FXR1: variants seen among roughly 807,000 people sequenced by gnomAD.
FXR1 encodes the protein RNA-binding protein FXR1.
FXR1 carries 15 observed loss-of-function variants against 84.0 expected under a neutral mutation model. That is an observed-to-expected ratio of 0.18 (90% CI 0.12 to 0.27). FXR1 has a LOEUF of 0.27. Among genes scored for constraint, FXR1 ranks in the 10% least tolerant of loss-of-function variants. The pLI is 1.00. For missense variants in FXR1, 480 were observed against 774.4 expected (o/e 0.62, Z 4.51); for synonymous variants, 245 against 250.7 (o/e 0.98, Z 0.21).
intron 4 of FXR1, 110 bp downstream of exon 4, chr3:180,948,046 G>C: frequency 1.5e-6 from 1 of 679,058 alleles, no homozygotes; most frequent in Non-Finnish European, 2.6e-6. Context: ...AAGCCTACCT[G>C]AGAAATAGTT....
chr3:180,926,492 A>G (rs1349233301), intron 1 of FXR1, among the ~76,000 whole-genome samples: 1 of 103,418 alleles, frequency 9.7e-6, no homozygotes, highest in African/African-American at 5.5e-5. Flanking sequence ...ATATATATAT[A>G]TATATATATA....
At chr3:180,913,153 A>C (rs895997568) in intron 1 of FXR1, among the ~76,000 whole-genome samples, 1 of 151,560 alleles carries the variant, frequency 6.6e-6, no homozygotes, top group Admixed American at 6.6e-5. Context: ...GCCGGGCGGG[A>C]GCTCCTCAGC....
intron 2 of FXR1, among the ~76,000 whole-genome samples, chr3:180,934,423 T>C (rs867518491): frequency 1.3e-5 from 2 of 152,190 alleles, no homozygotes; most frequent in South Asian, 2.1e-4. Flanking sequence ...AGGGAATAAT[T>C]TTTTACTTTA....
At chr3:180,914,281 A>G (rs1717616009) in intron 1 of FXR1, among the ~76,000 whole-genome samples, 1 of 152,170 alleles carries the variant, frequency 6.6e-6, no homozygotes, top group African/African-American at 2.4e-5. Flanking sequence ...TACTGCAGAT[A>G]CAGTTCGCTG....
intron 8 of FXR1, among the ~76,000 whole-genome samples, chr3:180,952,465 G>T (rs1243562102): frequency 1.3e-5 from 2 of 152,070 alleles, no homozygotes; most frequent in Non-Finnish European, 2.9e-5. Flanking sequence ...GCTGAAGCAG[G>T]AAGATCACTT....
In FXR1 at chr3:180,968,245, A is replaced by G; in HGVS notation, c.1393A>G (p.Ile465Val). 1.3e-6 allele frequency: 2 copies of G among 1,599,868 alleles called. No homozygotes were observed. Among genetic ancestry groups the G allele is most frequent in the East Asian group, 2.2e-5 (1 of 44,778 alleles). The change falls in exon 14 of 17, where the codon ATC (isoleucine) becomes GTC (valine). Residue 465 changes from isoleucine (I) to valine (V), a missense_variant. Ile to Val is a conservative substitution (Grantham distance 29). This residue lies in a region of FXR1 where 157 missense variants were observed against 227.8 expected (regional missense o/e 0.69). Transcript: ENST00000357559. ...TGGACCACGTGGTGGCAAATCCTCC[A>G]TCAGTTCTGGTAGTCTTTTCTATAC... is the stretch of plus-strand genomic sequence containing the variant. ...RGGPRGGKSS[I>V]SSVLKDPDSN...
At position 180,929,388 on chromosome 3, in the gene FXR1, A is replaced by G. The variant is rs138631365; in HGVS notation, c.52-3946A>G. Among the ~76,000 whole-genome samples the G allele has an allele frequency of 4.9e-4, 74 of 152,322 alleles. No individual in the cohort carries two copies. The East Asian group carries it at 0.014, about 28-fold the overall frequency. ...TTAATGATTATCTTAAATTATAGTT[A>G]AGAGTTTCAAATGTAAACATTATTG... On this transcript the variant is annotated intron_variant, in intron 1 of 16. Coordinates refer to ENST00000357559, the MANE Select transcript of FXR1 (RefSeq NM_005087.4).
chr3:180,932,075 C>CAAAAAAAA (rs4042648), intron 1 of FXR1, among the ~76,000 whole-genome samples: 24,340 of 78,460 alleles, frequency 0.31, 4,677 homozygotes, highest in Middle Eastern at 0.46. Context: ...TTGTAAGTTT[C>CAAAAAAAA]AAAAAAAAAA....
intron 3 of FXR1, among the ~76,000 whole-genome samples, chr3:180,937,653 T>C (rs1159307352): frequency 6.6e-6 from 1 of 152,138 alleles, no homozygotes; most frequent in African/African-American, 2.4e-5. Flanking sequence ...AAGGAAAAAG[T>C]TTAAGCATAA....
intron 1 of FXR1, among the ~76,000 whole-genome samples, chr3:180,921,688 G>A (rs2108426643): frequency 6.6e-6 from 1 of 151,646 alleles, no homozygotes; most frequent in East Asian, 1.9e-4. Context: ...GAAGTGGGGA[G>A]TGGTGATGCA....
At chr3:180,957,258 T>TA (rs1390805524) in intron 9 of FXR1, among the ~76,000 whole-genome samples, 1 of 152,238 alleles carries the variant, frequency 6.6e-6, no homozygotes, top group Admixed American at 6.5e-5. Flanking sequence ...GCATATCATG[T>TA]ACATGCTTTA....
At chr3:180,953,569 T>A (rs556658445) in intron 8 of FXR1, among the ~76,000 whole-genome samples, 193 bp from the exon 9 acceptor site, 3 of 152,168 alleles carry the variant, frequency 2.0e-5, no homozygotes, top group Non-Finnish European at 2.9e-5. Context: ...TGATTTGGGG[T>A]TTTTAAAAAT....
intron 15 of FXR1, among the ~76,000 whole-genome samples, chr3:180,972,136 T>TTCCCCTTCTTTCC (rs1213807483): frequency 3.9e-5 from 6 of 152,116 alleles, no homozygotes; most frequent in African/African-American, 1.5e-4. Context: ...TTTGTTTTCC[T>TTCCCCTTCTTTCC]TCCCCTTCTT....
intron 3 of FXR1, among the ~76,000 whole-genome samples, chr3:180,936,359 C>G (rs185012203): frequency 1.3e-5 from 2 of 152,160 alleles, no homozygotes; most frequent in Non-Finnish European, 2.9e-5. Flanking sequence ...CCTCCTCTTC[C>G]CAGGTTCAAG....
chr3:180,961,177 A>G lies in FXR1; in HGVS notation c.991-291A>G, dbSNP rs35815802. Reference sequence around the variant, plus strand: ...AACAGAGCAAGACCCTGTCTCTACAAAAAATAAAAAGTAATAGCTGGTTGT... The same window carrying G: ...AACAGAGCAAGACCCTGTCTCTACAGAAAATAAAAAGTAATAGCTGGTTGT... On this transcript the variant is annotated intron_variant, in intron 10 of 16. Transcript: ENST00000357559. 0.17 allele frequency among the ~76,000 whole-genome samples: 25,307 copies of G among 151,802 alleles called. 2,391 individuals carry two copies. Among genetic ancestry groups the G allele is most frequent in the South Asian group, 0.25 (1,208 of 4,800 alleles).
rs67477912 is a variant in FXR1 at position 180,978,291 on chromosome 3, T to TAA, written c.*2002_*2003dup. 1 of 151,902 alleles carries TAA rather than the reference T, an allele frequency of 6.6e-6. No individual in the cohort carries two copies. Among genetic ancestry groups the TAA allele is most frequent in the Non-Finnish European group, 1.5e-5 (1 of 67,920 alleles). 9.4% of individuals were successfully genotyped at this position (151,902 alleles called of 1,614,324 possible). On this transcript the variant is annotated 3_prime_UTR_variant, in exon 17 of 17. Coordinates refer to ENST00000357559, the MANE Select transcript of FXR1 (RefSeq NM_005087.4). ...AATGGGAATGGAAGAAACAAAATCT[T>TAA]AAAAGAGTGAGTATAGCTGAACCAA...
chr3:180,966,234 A>G (rs1712814692), intron 13 of FXR1, among the ~76,000 whole-genome samples: 1 of 152,166 alleles, frequency 6.6e-6, no homozygotes, highest in African/African-American at 2.4e-5. Context: ...CCAACAAAGA[A>G]TTGAAAGTGA....
chr3:180,975,678 C>A (rs1714150606), intron 16 of FXR1, among the ~76,000 whole-genome samples: 1 of 152,090 alleles, frequency 6.6e-6, no homozygotes, highest in Non-Finnish European at 1.5e-5. Context: ...AATTCAGGAG[C>A]AATAGGCTAT....
Position 180,981,885 on chromosome 3 carries a change from T to TTG in FXR1, c.*5595_*5596dup, listed in dbSNP as rs2108504317. The TTG allele has an allele frequency of 6.6e-6, 1 of 152,174 alleles. No homozygotes were observed. Among genetic ancestry groups the TTG allele is most frequent in the South Asian group, 2.1e-4 (1 of 4,832 alleles). The allele number at this position is 152,174 out of a possible 1,614,324, so 9.4% of individuals were successfully genotyped here. A position where few individuals can be genotyped will look rare whatever the true frequency, so the allele number is the denominator to read the frequency against. ...TACCTGGCTTCTGCAGAAGTTTAAC[T>TTG]TGTAACCTACCTCTCATTCCCAAAG... is the stretch of plus-strand genomic sequence containing the variant. On this transcript the variant is annotated 3_prime_UTR_variant, in exon 17 of 17. Transcript: ENST00000357559.
Sources: gnomAD v4.1 joint callset for allele counts (sites outside exome capture counted in the v4.1 genomes callset) on GRCh38, gnomAD v4.1.1 for gene constraint, gnomAD v4.1.1 regional missense constraint, MANE v1.5 for transcripts, NCBI Gene and HGNC (gene_info 2026-07-23, HGNC 2026-07-21) for gene names.